Variants in LZTFL1 observed in about 807,000 individuals in gnomAD.
LZTFL1 encodes the protein leucine zipper transcription factor-like protein 1.
A neutral mutation model predicts 45.9 loss-of-function variants in LZTFL1; 25 were observed. That is an observed-to-expected ratio of 0.54 (90% CI 0.40 to 0.76). LZTFL1 has a LOEUF of 0.76. Among genes scored for constraint, LZTFL1 ranks in the 30% least tolerant of loss-of-function variants. LZTFL1 has a pLI of 0.00. For synonymous variants in LZTFL1, 93 were observed against 117.4 expected (o/e 0.79, Z 1.35); for missense variants, 277 against 331.1 (o/e 0.84, Z 1.27).
intron 2 of LZTFL1, among the ~76,000 whole-genome samples, chr3:45,899,867 A>C (rs1356942318): frequency 6.6e-6 from 1 of 152,104 alleles, no homozygotes; most frequent in Non-Finnish European, 1.5e-5. Flanking sequence ...TTTCCGTAGC[A>C]GGGGTTTTAG....
At chr3:45,882,706 C>T (rs1473557475) in intron 2 of LZTFL1, among the ~76,000 whole-genome samples, 5 of 152,046 alleles carry the variant, frequency 3.3e-5, no homozygotes, top group Admixed American at 2.0e-4. Context: ...CAGGTATCAG[C>T]GTTGTGGATT....
intron 3 of LZTFL1, chr3:45,835,223 T>C (rs991982120): frequency 5.9e-5 from 10 of 169,530 alleles, no homozygotes; most frequent in Admixed American, 5.0e-4. Flanking sequence ...TGGTATTTAT[T>C]ATATTTGAAT....
At chr3:45,854,872 T>C (rs982324669) in intron 4 of LZTFL1, 5 of 683,654 alleles carry the variant, frequency 7.3e-6, no homozygotes, top group Admixed American at 3.1e-5. Flanking sequence ...CCCTTCTTTA[T>C]GCTAAGAGCT....
chr3:45,882,683 C>CTT (rs1487390792), intron 2 of LZTFL1, among the ~76,000 whole-genome samples: 2 of 152,098 alleles, frequency 1.3e-5, no homozygotes, highest in African/African-American at 4.8e-5. Context: ...CAGCTTGGGT[C>CTT]TTTTCTCTGT....
rs1559429660 is a variant in LZTFL1, at chr3:45,906,173, TG to T, written c.-215+6946del. ...CACTGGGTATGCAGGAGATCCATAG[TG>T]TGGTTGGGCGCCAGTCACAGAACTC... On this transcript the variant is annotated intron_variant, in intron 2 of 4. Transcript: ENST00000472635. Among the ~76,000 whole-genome samples the T allele has an allele frequency of 9.2e-5, 14 of 152,182 alleles. No individual in the cohort carries two copies. In the East Asian group the frequency reaches 2.7e-3, roughly 29 times the overall value.
At chr3:45,881,856 C>T (rs1040141025) in intron 2 of LZTFL1, among the ~76,000 whole-genome samples, 1 of 152,208 alleles carries the variant, frequency 6.6e-6, no homozygotes, top group Non-Finnish European at 1.5e-5. Context: ...CTATCTAAGG[C>T]TAGAGCCGAG....
intron 2 of LZTFL1, among the ~76,000 whole-genome samples, chr3:45,887,525 G>A (rs938721405): frequency 1.3e-5 from 2 of 152,180 alleles, no homozygotes; most frequent in South Asian, 2.1e-4. Flanking sequence ...TGAATTAGCT[G>A]TTACTCCATA....
In LZTFL1 at chr3:45,872,677, T is replaced by C. The variant is rs576766015; in HGVS notation, c.-214-13661A>G. ...ATGCTGCTGGTCTGGGGCACACAAT[T>C]TGAGAACCATCAGGCTAGCGATGAC... On this transcript the variant is annotated intron_variant, in intron 2 of 4. Transcript: ENST00000472635. 1.2e-4 allele frequency among the ~76,000 whole-genome samples: 18 copies of C among 152,268 alleles called. 1 individual carries two copies. In the South Asian group the frequency reaches 3.3e-3, roughly 28 times the overall value.
intron 2 of LZTFL1, chr3:45,902,118 C>T (rs980319068): frequency 3.7e-5 from 18 of 485,308 alleles, no homozygotes; most frequent in African/African-American, 1.4e-4. Flanking sequence ...CTGTGATGCC[C>T]GCAATTCTCA....
intron 2 of LZTFL1, among the ~76,000 whole-genome samples, chr3:45,883,432 T>A (rs945553724): frequency 9.9e-5 from 15 of 152,232 alleles, no homozygotes; most frequent in Admixed American, 9.2e-4. Flanking sequence ...AATACAGACC[T>A]CAGTCTCACA....
At chr3:45,851,044 C>G (rs1269713066) in intron 4 of LZTFL1, among the ~76,000 whole-genome samples, 1 of 152,068 alleles carries the variant, frequency 6.6e-6, no homozygotes, top group Non-Finnish European at 1.5e-5. Flanking sequence ...CCTTCAGCTC[C>G]AATTCACTTC....
chr3:45,880,054 A>G (rs1456989759), intron 2 of LZTFL1, among the ~76,000 whole-genome samples: 1 of 152,134 alleles, frequency 6.6e-6, no homozygotes, highest in Non-Finnish European at 1.5e-5. Context: ...CAGAGAAGGG[A>G]CAGTGACAGG....
chr3:45,881,099 G>A (rs1701850533), intron 2 of LZTFL1, among the ~76,000 whole-genome samples: 1 of 152,242 alleles, frequency 6.6e-6, no homozygotes, highest in South Asian at 2.1e-4. Flanking sequence ...CTGGTCTCAT[G>A]ACTCAGGTGC....
intron 1 of LZTFL1, chr3:45,913,202 A>G: frequency 1.4e-6 from 2 of 1,459,708 alleles, no homozygotes; most frequent in Non-Finnish European, 1.9e-6. Context: ...AATTACACAA[A>G]TTAAACAATG....
At chr3:45,908,203 C>G (rs1575312340) in intron 2 of LZTFL1, among the ~76,000 whole-genome samples, 1 of 152,232 alleles carries the variant, frequency 6.6e-6, no homozygotes, top group South Asian at 2.1e-4. Context: ...TGGGTGCAGA[C>G]TCAGAAGAAG....
chr3:45,895,540 C>T (rs1702326252), intron 2 of LZTFL1, among the ~76,000 whole-genome samples: 2 of 152,148 alleles, frequency 1.3e-5, no homozygotes, highest in African/African-American at 4.8e-5. Flanking sequence ...CATGGCAAAA[C>T]CCCATCTCTA....
chr3:45,888,740 G>A (rs1444492531), intron 2 of LZTFL1, among the ~76,000 whole-genome samples: 1 of 152,170 alleles, frequency 6.6e-6, no homozygotes, highest in African/African-American at 2.4e-5. Context: ...AAAAATGAAA[G>A]CAAGCACTGA....
At chr3:45,861,514 G>A (rs1306354653) in intron 2 of LZTFL1, among the ~76,000 whole-genome samples, 1 of 152,098 alleles carries the variant, frequency 6.6e-6, no homozygotes, top group Non-Finnish European at 1.5e-5. Context: ...GGAGGGGTGG[G>A]GGAATGTTTA....
intron 2 of LZTFL1, chr3:45,883,584 G>A (rs1013581080): frequency 2.9e-4 from 87 of 302,772 alleles, no homozygotes; most frequent in Non-Finnish European, 4.5e-5. Context: ...GCGTGACAAA[G>A]TGAAGGCAAA....
Sources: gnomAD v4.1 joint callset for allele counts (sites outside exome capture counted in the v4.1 genomes callset) on GRCh38, gnomAD v4.1.1 for gene constraint, MANE v1.5 for transcripts, NCBI Gene and HGNC (gene_info 2026-07-23, HGNC 2026-07-21) for gene names.